The following CCR6 variants were observed in gnomAD, a reference collection of about 807,000 sequenced individuals.
CCR6 encodes C-C chemokine receptor type 6.
A neutral mutation model predicts 3.0 loss-of-function variants in CCR6; 2 were observed. The observed-to-expected ratio is 0.66, with a 90% CI of 0.27 to 2.07. The LOEUF is 2.07. Among genes scored for constraint, CCR6 ranks in the 30% most tolerant of loss-of-function variants. CCR6 has a pLI of 0.14. For synonymous variants in CCR6, 193 were observed against 184.3 expected (o/e 1.05, Z -0.38); for missense variants, 322 against 462.8 (o/e 0.70, Z 2.79).
At chr6:167,116,331 C>G (rs113890772) in intron 1 of CCR6, among the ~76,000 whole-genome samples, 2 of 152,242 alleles carry the variant, frequency 1.3e-5, no homozygotes, top group African/African-American at 2.4e-5. Flanking sequence ...CCCTCGCTCC[C>G]TCTTGGGAAT....
chr6:167,122,237 C>T (rs1325188698), upstream of CCR6, among the ~76,000 whole-genome samples: 4 of 152,182 alleles, frequency 2.6e-5, no homozygotes, highest in African/African-American at 4.8e-5. This position sits in a 1 kb window ranked among gnomAD's most constrained non-coding sequence, Gnocchi z 4.2. Context: ...GAATTGATCA[C>T]GAACCTATTG....
chr6:167,119,624 G>A (rs1192427139), upstream of CCR6, among the ~76,000 whole-genome samples: 1 of 152,226 alleles, frequency 6.6e-6, no homozygotes, highest in Non-Finnish European at 1.5e-5. Flanking sequence ...TATACAGTGA[G>A]CATTGAAGGA....
upstream of CCR6, among the ~76,000 whole-genome samples, chr6:167,120,228 T>C (rs747279245): frequency 6.6e-6 from 1 of 152,102 alleles, no homozygotes; most frequent in Non-Finnish European, 1.5e-5. Flanking sequence ...GAAGGCTCGA[T>C]TGGGCTGGGG....
rs1443063197 is a variant in CCR6 at position 167,123,177 on chromosome 6, G to A, written c.-144G>A. The A allele has an allele frequency of 6.5e-6, 1 of 152,764 alleles. No homozygotes were observed. The allele number at this position is 152,764 out of a possible 1,614,324, so 9.5% of individuals were successfully genotyped here. On this transcript the variant is annotated 5_prime_UTR_variant, in exon 1 of 3. Coordinates refer to ENST00000341935, the MANE Select transcript of CCR6 (RefSeq NM_031409.4). ...TGGTGAGCTGGAGTCATCAGATTGT[G>A]GGGCCCGGAGTGAGGCTGAAGGGAG...
upstream of CCR6, chr6:167,122,698 G>A (rs942867455): frequency 6.6e-6 from 1 of 152,448 alleles, no homozygotes; most frequent in Non-Finnish European, 1.5e-5. The surrounding 1 kb of genome is among the most constrained non-coding windows in gnomAD (Gnocchi z 4.2). Flanking sequence ...ACAGCTTTCG[G>A]GGTGGGGCCA....
upstream of CCR6, among the ~76,000 whole-genome samples, chr6:167,121,720 C>T (rs1781590225): frequency 6.6e-6 from 1 of 152,162 alleles, no homozygotes; most frequent in Admixed American, 6.5e-5. Context: ...AGGGACAGGT[C>T]ACCCAGAGTG....
upstream of CCR6, among the ~76,000 whole-genome samples, chr6:167,121,923 A>G (rs36226075): frequency 0.037 from 5,624 of 152,192 alleles, 288 homozygotes; most frequent in African/African-American, 0.11. Flanking sequence ...GGGCCAGCAG[A>G]GTCTTTGGAG....
rs1040497689 is a variant in CCR6 at position 167,113,639 on chromosome 6, C to G, written c.-98+1625C>G. Among the ~76,000 whole-genome samples the G allele has an allele frequency of 3.9e-5, 6 of 152,322 alleles. No homozygotes were observed. The East Asian group carries it at 1.2e-3, about 29-fold the overall frequency. ...AGCTCCCCTGGAGACAGCCAGAAAT[C>G]TCATCACATGTCTTAGCAATATTTT... On this transcript the variant is annotated intron_variant, in intron 1 of 2. Coordinates refer to the CCR6 transcript ENST00000400926.
At chr6:167,125,530 A>G (rs3138073) in intron 1 of CCR6, among the ~76,000 whole-genome samples, 6 of 152,110 alleles carry the variant, frequency 3.9e-5, no homozygotes, top group Non-Finnish European at 5.9e-5. Context: ...TTCTGGGGCC[A>G]TTTGCCTGTG....
chr6:167,113,681 A>C (rs1781448072), intron 1 of CCR6, among the ~76,000 whole-genome samples: 1 of 152,216 alleles, frequency 6.6e-6, no homozygotes, highest in South Asian at 2.1e-4. Flanking sequence ...TCAGATCCCA[A>C]GTTTTAAATG....
At chr6:167,120,120 CT>C (rs1225989811), upstream of CCR6, among the ~76,000 whole-genome samples, 1 of 152,174 alleles carries the variant, frequency 6.6e-6, no homozygotes, top group African/African-American at 2.4e-5. Flanking sequence ...TTTACAATCT[CT>C]TGTGGCTCTG....
chr6:167,137,321 C>A lies in CCR6; in HGVS notation c.1091C>A (p.Ala364Glu). The change falls in exon 3 of 3, where the codon GCA (alanine) becomes GAA (glutamate). Residue 364 changes from alanine to glutamate, a missense_variant. Coordinates refer to ENST00000341935, the MANE Select transcript of CCR6 (RefSeq NM_031409.4). This position sits in a 1 kb window ranked among gnomAD's most constrained non-coding sequence, Gnocchi z 4.6. ...ENISRQTSETADNDNASSFTM is the reference protein window; with the variant it reads ...ENISRQTSETEDNDNASSFTM ...ATTTCTCGGCAGACCAGTGAGACCG[C>A]AGATAACGACAATGCGTCGTCCTTC... is the stretch of plus-strand genomic sequence containing the variant. The A allele has an allele frequency of 6.2e-7, 1 of 1,613,464 alleles. No homozygotes were observed. The highest frequency in any genetic ancestry group is 8.5e-7 in the Non-Finnish European group (1 of 1,179,882).
chr6:167,117,621 C>T (rs549425032), intron 1 of CCR6, among the ~76,000 whole-genome samples: 85 of 151,494 alleles, frequency 5.6e-4, no homozygotes, highest in Admixed American at 9.8e-4. Flanking sequence ...TTCACCGTGT[C>T]AGCCAGGATG....
At chr6:167,124,836 TACAC>T (rs775730292) in intron 1 of CCR6, among the ~76,000 whole-genome samples, 1 of 151,396 alleles carries the variant, frequency 6.6e-6, no homozygotes, top group African/African-American at 2.4e-5. Flanking sequence ...CATATATACA[TACAC>T]ACACGTCCAT....
intron 1 of CCR6, among the ~76,000 whole-genome samples, chr6:167,113,181 A>G (rs979658358): frequency 6.6e-6 from 1 of 152,106 alleles, no homozygotes; most frequent in African/African-American, 2.4e-5. Context: ...CTGCACCAAA[A>G]TAGATACCAC....
rs745643756 is a variant in CCR6, at chr6:167,137,814, A to G, written c.*459A>G. On this transcript the variant is annotated 3_prime_UTR_variant, in exon 3 of 3. Transcript: ENST00000341935. The surrounding 1 kb of genome is among the most constrained non-coding windows in gnomAD (Gnocchi z 4.6). Reference sequence around the variant, plus strand: ...GGCAAATGTTTAAACATTTTTATCTATCAGAATGTTTATTGTTGCTGGTTA... The same window carrying G: ...GGCAAATGTTTAAACATTTTTATCTGTCAGAATGTTTATTGTTGCTGGTTA... The G allele has an allele frequency of 6.1e-6, 1 of 162,984 alleles. No homozygotes were observed. The highest frequency in any genetic ancestry group is 1.4e-5 in the Non-Finnish European group (1 of 73,530). The allele number at this position is 162,984 out of a possible 1,614,324, so 10.1% of individuals were successfully genotyped here.
rs1373169723 is a variant in CCR6, at chr6:167,136,993, G to T, written c.763G>T (p.Val255Leu). Residue 255 changes from valine (V) to leucine (L), a missense_variant, in exon 3 of 3, where the codon GTA (valine) becomes TTA (leucine). Coordinates refer to ENST00000341935, the MANE Select transcript of CCR6 (RefSeq NM_031409.4). This position sits in a 1 kb window ranked among gnomAD's most constrained non-coding sequence, Gnocchi z 4.6. ...TTCTAAAAGGCACAAAGCCATCCGT[G>T]TAATCATAGCTGTGGTGCTTGTGTT... Reference protein sequence around the residue: ...QNSKRHKAIRVIIAVVLVFLA... With the variant: ...QNSKRHKAIRLIIAVVLVFLA... 2.5e-6 allele frequency: 4 copies of T among 1,614,068 alleles called. No homozygotes were observed. The highest frequency in any genetic ancestry group is 2.5e-6 in the Non-Finnish European group (3 of 1,180,044).
At chr6:167,116,059 A>T (rs937235338) in intron 1 of CCR6, 3 of 152,274 alleles carry the variant, frequency 2.0e-5, no homozygotes, top group Non-Finnish European at 4.4e-5. Flanking sequence ...GGTTAGGTGG[A>T]ATTCATTTCT....
At chr6:167,129,821 T>TG (rs35345474) in intron 1 of CCR6, among the ~76,000 whole-genome samples, 3 of 151,382 alleles carry the variant, frequency 2.0e-5, no homozygotes, top group Admixed American at 2.0e-4. Flanking sequence ...AACATTCAGG[T>TG]GGGGGGTGAC....
Sources: gnomAD v4.1 joint callset for allele counts (sites outside exome capture counted in the v4.1 genomes callset) on GRCh38, gnomAD v4.1.1 for gene constraint, Gnocchi (gnomAD v3.1) non-coding constraint, MANE v1.5 for transcripts, NCBI Gene and HGNC (gene_info 2026-07-23, HGNC 2026-07-21) for gene names.